Variants in FBXO28 observed in about 807,000 individuals in gnomAD.
FBXO28 encodes the protein F-box protein 28.
A neutral mutation model predicts 38.1 loss-of-function variants in FBXO28; 8 were observed. The observed-to-expected ratio is 0.21, with a 90% CI of 0.12 to 0.38. The LOEUF is 0.38. FBXO28 is among the 10% of genes least tolerant of loss of function. The probability of loss-of-function intolerance (pLI) is 1.00; values close to 1 mark genes in which losing one functional copy is unlikely to be tolerated. For missense variants in FBXO28, 345 were observed against 460.6 expected, an observed-to-expected ratio of 0.75 and a Z score of 2.30; for synonymous variants, 168 against 173.8, an observed-to-expected ratio of 0.97 and a Z score of 0.26.
At chr1:224,114,476 A>G in intron 1 of FBXO28, 80 bp downstream of exon 1, 1 of 1,245,994 alleles carries the variant, frequency 8.0e-7, no homozygotes, top group East Asian at 2.7e-5. Context: ...GTTCCCCGGG[A>G]AGGGAGCCCC....
chr1:224,118,146 T>C (rs1464962184), intron 1 of FBXO28, among the ~76,000 whole-genome samples: 1 of 152,054 alleles, frequency 6.6e-6, no homozygotes, highest in Non-Finnish European at 1.5e-5. Flanking sequence ...GATTTCTCCA[T>C]GTTGCCCAGG....
intron 2 of FBXO28, chr1:224,130,899 G>A (rs1572011752): frequency 3.5e-5 from 7 of 199,046 alleles, no homozygotes; most frequent in Non-Finnish European, 7.2e-5. Context: ...ATTAAAGCTA[G>A]TAAACCAGTT....
intron 1 of FBXO28, among the ~76,000 whole-genome samples, chr1:224,122,031 C>G (rs972028181): frequency 6.6e-6 from 1 of 152,210 alleles, no homozygotes; most frequent in Non-Finnish European, 1.5e-5. Context: ...GCCTTGGCCT[C>G]GCAAAGTGCT....
intron 1 of FBXO28, among the ~76,000 whole-genome samples, chr1:224,116,161 G>A (rs1291208075): frequency 6.6e-6 from 1 of 152,140 alleles, no homozygotes; most frequent in African/African-American, 2.4e-5. Flanking sequence ...GTGCAAATAT[G>A]ATTTTTGAGT....
At chr1:224,132,221 C>T (rs113104613) in intron 2 of FBXO28, among the ~76,000 whole-genome samples, 1 of 152,062 alleles carries the variant, frequency 6.6e-6, no homozygotes. Context: ...CACAGCACTC[C>T]AATCTGGGTG....
In FBXO28 at chr1:224,140,127, C is replaced by T. The variant is rs569157431; in HGVS notation, c.516+5915C>T. On this transcript the variant is annotated intron_variant, in intron 3 of 4. Coordinates refer to ENST00000366862, the MANE Select transcript of FBXO28 (RefSeq NM_015176.4). ...ATATAAATACTTTTTTTTCCTGAAC[C>T]ACTTGAAAATAAGTTGGAGACACTG... Among the ~76,000 whole-genome samples the T allele has an allele frequency of 2.6e-5, 4 of 152,148 alleles. No homozygotes were observed. In the South Asian group the frequency reaches 8.3e-4, roughly 31 times the overall value.
At chr1:224,144,809 T>A (rs1297931221) in intron 3 of FBXO28, among the ~76,000 whole-genome samples, 1 of 152,088 alleles carries the variant, frequency 6.6e-6, no homozygotes, top group East Asian at 1.9e-4. Flanking sequence ...GAACTACATG[T>A]TGGTAGGAGG....
chr1:224,154,811 CAAA>C (rs35624285), intron 4 of FBXO28, among the ~76,000 whole-genome samples: 1 of 118,712 alleles, frequency 8.4e-6, no homozygotes, highest in African/African-American at 3.3e-5. Context: ...GACTCCGTCT[CAAA>C]AAAAAAAAAA....
chr1:224,136,100 A>ATTTTTTTTT (rs1558191323), intron 3 of FBXO28, among the ~76,000 whole-genome samples: 3 of 8,646 alleles, frequency 3.5e-4, no homozygotes, highest in African/African-American at 1.1e-3. Context: ...TGTTGACTTC[A>ATTTTTTTTT]GTTTTTTTTT....
intron 1 of FBXO28, among the ~76,000 whole-genome samples, chr1:224,119,127 TTTTTTTTC>T (rs1656712217): frequency 3.6e-5 from 2 of 55,354 alleles, no homozygotes; most frequent in Admixed American, 2.8e-4. Flanking sequence ...TGATTTTTTC[TTTTTTTTC>T]TTTTTTTTTT....
intron 4 of FBXO28, 93 bp from the exon 5 acceptor site, chr1:224,157,259 C>T: frequency 7.1e-7 from 1 of 1,408,580 alleles, no homozygotes; most frequent in South Asian, 1.5e-5. Context: ...TCAGAAGTGA[C>T]ATAGTAAGGG....
intron 1 of FBXO28, among the ~76,000 whole-genome samples, chr1:224,118,403 C>G (rs944271213): frequency 3.3e-5 from 5 of 152,042 alleles, no homozygotes; most frequent in South Asian, 2.1e-4. Flanking sequence ...AATTTTTTTC[C>G]TCTGCGATTC....
intron 3 of FBXO28, among the ~76,000 whole-genome samples, chr1:224,144,532 TG>T (rs1657451377): frequency 1.3e-5 from 2 of 151,866 alleles, no homozygotes; most frequent in African/African-American, 4.8e-5. Flanking sequence ...GGCGGAGGTG[TG>T]TGGATCACGA....
intron 4 of FBXO28, among the ~76,000 whole-genome samples, chr1:224,157,001 C>CA (rs60316057): frequency 0.041 from 5,661 of 137,128 alleles, 338 homozygotes; most frequent in African/African-American, 0.13. Flanking sequence ...GACTCTGTCT[C>CA]AAAAAAAAAA....
intron 2 of FBXO28, among the ~76,000 whole-genome samples, chr1:224,132,679 C>A (rs1274472868): frequency 2.6e-5 from 4 of 151,942 alleles, no homozygotes; most frequent in Admixed American, 2.6e-4. Context: ...ATGTCGGGTG[C>A]CTATAATCCC....
chr1:224,114,484 C>T, intron 1 of FBXO28, 88 bp downstream of exon 1: 2 of 1,120,606 alleles, frequency 1.8e-6, no homozygotes, highest in Admixed American at 2.8e-5. Flanking sequence ...GGAAGGGAGC[C>T]CCCCGCGAGC....
chr1:224,143,596 G>A (rs1241219570), intron 3 of FBXO28, among the ~76,000 whole-genome samples: 4 of 152,088 alleles, frequency 2.6e-5, no homozygotes, highest in East Asian at 1.9e-4. Flanking sequence ...AGGCCGAGGC[G>A]GGCAGATCAC....
rs986743053 is a variant in FBXO28, at chr1:224,161,822, T to C, written c.*4076T>C. 5 of 152,196 alleles carry C rather than the reference T, an allele frequency of 3.3e-5. No individual in the cohort carries two copies. The highest frequency in any genetic ancestry group is 2.4e-5 in the African/African-American group (1 of 41,454). The allele number at this position is 152,196 out of a possible 1,614,324, so 9.4% of individuals were successfully genotyped here. On this transcript the variant is annotated 3_prime_UTR_variant, in exon 5 of 5. Coordinates refer to ENST00000366862, the MANE Select transcript of FBXO28 (RefSeq NM_015176.4). ...GTATATTGGTAATCTATTAGGTCCA[T>C]TGGCAAAGTATATTGGTCCATATTC...
At chr1:224,127,393 A>C (rs1202638792) in intron 1 of FBXO28, among the ~76,000 whole-genome samples, 1 of 152,164 alleles carries the variant, frequency 6.6e-6, no homozygotes, top group Non-Finnish European at 1.5e-5. Flanking sequence ...GACAGGTATG[A>C]AAATTGACCT....
Sources: allele counts gnomAD v4.1 joint callset (sites outside exome capture counted in the v4.1 genomes callset), GRCh38; gene constraint gnomAD v4.1.1; transcripts MANE v1.5; gene names NCBI Gene and HGNC (gene_info 2026-07-23, HGNC 2026-07-21).